ZNF710: variants seen among roughly 807,000 people sequenced by gnomAD.
ZNF710 encodes the protein zinc finger protein 710.
ZNF710 carries 13 observed loss-of-function variants against 50.6 expected under a neutral mutation model. That is an observed-to-expected ratio of 0.26 (90% CI 0.17 to 0.41). The LOEUF (loss-of-function observed/expected upper bound fraction) is 0.41, where lower values mean the gene tolerates loss of function less well. Ranked by LOEUF, ZNF710 falls within the 10% of genes least tolerant of loss-of-function variation. The pLI, the probability that ZNF710 is intolerant of heterozygous loss-of-function variation, is 1.00. For synonymous variants in ZNF710, 383 were observed against 397.0 expected (o/e 0.96, Z 0.42); for missense variants, 721 against 936.6 (o/e 0.77, Z 3.01).
At chr15:90,010,562 T>A (rs1489427676) in intron 1 of ZNF710, among the ~76,000 whole-genome samples, 1 of 152,154 alleles carries the variant, frequency 6.6e-6, no homozygotes, top group Admixed American at 6.5e-5. Flanking sequence ...CCCATAGCGC[T>A]GGGATTACAG....
chr15:90,050,900 A>G (rs1451553170), intron 1 of ZNF710, among the ~76,000 whole-genome samples: 3 of 152,150 alleles, frequency 2.0e-5, no homozygotes, highest in Non-Finnish European at 4.4e-5. Context: ...GTGCCTCACC[A>G]GCACCCAGCA....
rs538531175 is a variant in ZNF710 at position 90,062,024 on chromosome 15, C to A, written c.-28-5086C>A. On this transcript the variant is annotated intron_variant, in intron 1 of 4. Coordinates refer to ENST00000268154, the MANE Select transcript of ZNF710 (RefSeq NM_198526.4). This position sits in a 1 kb window ranked among gnomAD's most constrained non-coding sequence, Gnocchi z 5.6. ...GTTCCCTCCCCAGGGGCTGGCCTGG[C>A]CCTCAGGCCTGGGAGGTGGAGGTGC... Among the ~76,000 whole-genome samples the A allele has an allele frequency of 3.5e-4, 53 of 152,080 alleles. No individual in the cohort carries two copies. Among genetic ancestry groups the A allele is most frequent in the Non-Finnish European group, 7.5e-4 (51 of 67,958 alleles).
chr15:90,070,222 TG>T (rs1900330299), intron 2 of ZNF710, among the ~76,000 whole-genome samples: 1 of 152,320 alleles, frequency 6.6e-6, no homozygotes, highest in South Asian at 2.1e-4. Context: ...TAGCCAGGCA[TG>T]GTGCTGCACA....
intron 1 of ZNF710, among the ~76,000 whole-genome samples, chr15:90,021,568 A>G (rs371852104): frequency 6.6e-6 from 1 of 152,096 alleles, no homozygotes; most frequent in East Asian, 1.9e-4. Context: ...CCTTCATTCA[A>G]TCAGCAAACA....
intron 1 of ZNF710, among the ~76,000 whole-genome samples, chr15:90,032,948 T>C (rs554989579): frequency 6.6e-5 from 10 of 152,172 alleles, no homozygotes; most frequent in Non-Finnish European, 1.2e-4. Context: ...TTTGAGGCTC[T>C]GTGGCTAGAA....
At chr15:90,041,526 A>G (rs1477202872) in intron 1 of ZNF710, among the ~76,000 whole-genome samples, 1 of 152,138 alleles carries the variant, frequency 6.6e-6, no homozygotes, top group Non-Finnish European at 1.5e-5. Context: ...TTCAAAGCAA[A>G]TGAAAATTTT....
chr15:90,063,932 T>C (rs1900089187), intron 1 of ZNF710, among the ~76,000 whole-genome samples: 1 of 152,188 alleles, frequency 6.6e-6, no homozygotes, highest in African/African-American at 2.4e-5. Flanking sequence ...CAGGAGCCTC[T>C]TCCCCCCCAT....
chr15:90,081,355 G>A lies in ZNF710; in HGVS notation c.*1526G>A, dbSNP rs1235893396. On this transcript the variant is annotated 3_prime_UTR_variant, in exon 5 of 5. Coordinates refer to ENST00000268154, the MANE Select transcript of ZNF710 (RefSeq NM_198526.4). Reference sequence around the variant, plus strand: ...CACCCACTTGCCTCCTGAGGCCTCAGTGGGGAGGGGCAAGCAGGGGTCTTC... The same window carrying A: ...CACCCACTTGCCTCCTGAGGCCTCAATGGGGAGGGGCAAGCAGGGGTCTTC... The A allele has an allele frequency of 2.0e-5, 3 of 152,292 alleles. No homozygotes were observed. The highest frequency in any genetic ancestry group is 3.9e-4 in the East Asian group (2 of 5,188). 9.4% of individuals were successfully genotyped at this position (152,292 alleles called of 1,614,324 possible). A position where few individuals can be genotyped will look rare whatever the true frequency, so the allele number is the denominator to read the frequency against.
At chr15:90,010,140 T>C (rs371407958) in intron 1 of ZNF710, among the ~76,000 whole-genome samples, 26 of 152,346 alleles carry the variant, frequency 1.7e-4, no homozygotes, top group African/African-American at 6.0e-4. Context: ...GGTTTCAGCC[T>C]GTATAGGACT....
At chr15:90,050,261 A>G (rs1899598097) in intron 1 of ZNF710, among the ~76,000 whole-genome samples, 2 of 152,216 alleles carry the variant, frequency 1.3e-5, no homozygotes, top group South Asian at 4.1e-4. Context: ...AGCTGCTGCC[A>G]GGGGCTCTGC....
chr15:90,063,828 C>T (rs1900085091), intron 1 of ZNF710, among the ~76,000 whole-genome samples: 1 of 152,022 alleles, frequency 6.6e-6, no homozygotes. Flanking sequence ...TTGAGGTTGG[C>T]GGGAGGGGGC....
At chr15:89,999,104 G>A (rs188653819), upstream of ZNF710, among the ~76,000 whole-genome samples, 249 of 152,276 alleles carry the variant, frequency 1.6e-3, no homozygotes, top group African/African-American at 5.8e-3. Context: ...TGGGGCCTTT[G>A]GACAGACTGT....
rs187612887 is a variant in ZNF710 at position 90,003,892 on chromosome 15, G to A, written c.-29+2278G>A. Among the ~76,000 whole-genome samples the A allele has an allele frequency of 6.6e-4, 100 of 152,136 alleles. 2 individuals are homozygous for A. In the South Asian group the frequency reaches 8.5e-3, roughly 13 times the overall value. On this transcript the variant is annotated intron_variant, in intron 1 of 4. Coordinates refer to ENST00000268154, the MANE Select transcript of ZNF710 (RefSeq NM_198526.4). ...TGGCTTTCCTGCATGAGGGCCGTGGGGATAGAGCTGCTTTCTTTTGGGTAG... is the reference window on the plus strand; with the variant it reads ...TGGCTTTCCTGCATGAGGGCCGTGGAGATAGAGCTGCTTTCTTTTGGGTAG...
chr15:90,058,946 C>G (rs555405665), intron 1 of ZNF710, among the ~76,000 whole-genome samples: 2 of 152,276 alleles, frequency 1.3e-5, no homozygotes, highest in Admixed American at 1.3e-4. Context: ...GGAGGGTCAT[C>G]TGCTTTTCTT....
chr15:90,061,157 T>C (rs914228206), intron 1 of ZNF710, among the ~76,000 whole-genome samples: 1 of 150,858 alleles, frequency 6.6e-6, no homozygotes, highest in African/African-American at 2.5e-5. Flanking sequence ...GCTTTTTCTT[T>C]ATTTCTATAC....
At chr15:90,020,059 GC>G (rs1898568535) in intron 1 of ZNF710, among the ~76,000 whole-genome samples, 1 of 152,154 alleles carries the variant, frequency 6.6e-6, no homozygotes, top group Non-Finnish European at 1.5e-5. Flanking sequence ...GCCCCTTGAA[GC>G]CCAGTTCTTC....
chr15:90,054,165 G>A (rs533182132), intron 1 of ZNF710, among the ~76,000 whole-genome samples: 7 of 152,166 alleles, frequency 4.6e-5, no homozygotes, highest in Non-Finnish European at 7.3e-5. Flanking sequence ...GGGGGATTTG[G>A]ACTGTACACT....
rs1268245396 is a variant in ZNF710 at position 90,082,120 on chromosome 15, A to G, written c.*2291A>G. ...AGAGATTCCACTTGTGCAAAGCCCT[A>G]CTGTGTTTTTATGTTCCTGTTTAAA... On this transcript the variant is annotated 3_prime_UTR_variant, in exon 5 of 5. Transcript: ENST00000268154. 1 of 152,234 alleles carries G rather than the reference A, an allele frequency of 6.6e-6. No individual in the cohort carries two copies. The highest frequency in any genetic ancestry group is 1.5e-5 in the Non-Finnish European group (1 of 68,046). 9.4% of individuals were successfully genotyped at this position (152,234 alleles called of 1,614,324 possible).
intron 1 of ZNF710, among the ~76,000 whole-genome samples, chr15:90,024,456 G>T (rs953118878): frequency 1.3e-5 from 2 of 152,326 alleles, no homozygotes; most frequent in African/African-American, 4.8e-5. Context: ...ATCTGGTCCA[G>T]AGGATTCAGA....
Sources: gnomAD v4.1 joint callset for allele counts (sites outside exome capture counted in the v4.1 genomes callset) on GRCh38, gnomAD v4.1.1 for gene constraint, Gnocchi (gnomAD v3.1) non-coding constraint, MANE v1.5 for transcripts, NCBI Gene and HGNC (gene_info 2026-07-23, HGNC 2026-07-21) for gene names.